CNTN4: variants seen among roughly 807,000 people sequenced by gnomAD.
CNTN4 encodes contactin 4.
A neutral mutation model predicts 122.5 loss-of-function variants in CNTN4; 77 were observed. The ratio of observed to expected loss-of-function variants is 0.63; its 90% confidence interval spans 0.52 to 0.76. CNTN4 has a LOEUF of 0.76. Among genes scored for constraint, CNTN4 ranks in the 30% least tolerant of loss-of-function variants. The pLI is 0.00. For missense variants in CNTN4, 1,256 were observed against 1,259.1 expected (o/e 1.00, Z 0.04); for synonymous variants, 512 against 447.0 (o/e 1.15, Z -1.83).
intron 2 of CNTN4, among the ~76,000 whole-genome samples, chr3:2,188,119 A>C (rs183353283): frequency 6.6e-6 from 1 of 152,040 alleles, no homozygotes; most frequent in Admixed American, 6.6e-5. Flanking sequence ...CCCTTCCCCA[A>C]TCATTCCCTA....
chr3:2,777,689 G>A (rs928513470), intron 6 of CNTN4, among the ~76,000 whole-genome samples: 15 of 152,154 alleles, frequency 9.9e-5, no homozygotes, highest in African/African-American at 2.9e-4. Flanking sequence ...GGTATCTCAC[G>A]CAAGATACCC....
chr3:3,050,886 A>T (rs1701200357), intron 23 of CNTN4, among the ~76,000 whole-genome samples: 1 of 151,988 alleles, frequency 6.6e-6, no homozygotes, highest in Non-Finnish European at 1.5e-5. Flanking sequence ...TCAAGTTCTC[A>T]TCTTTGAAAT....
intron 14 of CNTN4, among the ~76,000 whole-genome samples, chr3:2,995,504 G>C (rs1000851494): frequency 1.3e-5 from 2 of 152,138 alleles, no homozygotes; most frequent in African/African-American, 4.8e-5. Flanking sequence ...TGGTCTAGAG[G>C]GAAGATGTAA....
chr3:2,492,813 C>A (rs1369711846), intron 3 of CNTN4, among the ~76,000 whole-genome samples: 1 of 152,086 alleles, frequency 6.6e-6, no homozygotes, highest in Non-Finnish European at 1.5e-5. Context: ...AACCGCATGC[C>A]AGTACCCTAA....
chr3:2,104,840 G>C (rs775749007), intron 2 of CNTN4, among the ~76,000 whole-genome samples: 3 of 152,148 alleles, frequency 2.0e-5, no homozygotes, highest in Non-Finnish European at 4.4e-5. Flanking sequence ...TCTAGGTATG[G>C]GGAAAAGAGA....
intron 10 of CNTN4, among the ~76,000 whole-genome samples, chr3:2,898,436 CA>C (rs2094138463): frequency 6.6e-6 from 1 of 152,190 alleles, no homozygotes; most frequent in African/African-American, 2.4e-5. Context: ...CCTTGACCTC[CA>C]TAACCCTGTG....
chr3:2,955,741 A>G (rs956132734), intron 13 of CNTN4, among the ~76,000 whole-genome samples: 3 of 152,208 alleles, frequency 2.0e-5, no homozygotes, highest in Non-Finnish European at 4.4e-5. Flanking sequence ...TTAAGTGGCT[A>G]TTATTGGATA....
At chr3:2,587,111 C>A (rs1437282092) in intron 4 of CNTN4, among the ~76,000 whole-genome samples, 2 of 152,128 alleles carry the variant, frequency 1.3e-5, no homozygotes, top group African/African-American at 4.8e-5. Context: ...GCTAATATAT[C>A]CATATATTGA....
chr3:2,183,863 A>G (rs1414116990), intron 2 of CNTN4, among the ~76,000 whole-genome samples: 1 of 152,218 alleles, frequency 6.6e-6, no homozygotes, highest in Non-Finnish European at 1.5e-5. Context: ...CTTCTCTCCT[A>G]TTAGAAGAAA....
chr3:2,158,308 C>T (rs760923105), intron 2 of CNTN4, among the ~76,000 whole-genome samples: 1 of 152,096 alleles, frequency 6.6e-6, no homozygotes, highest in Non-Finnish European at 1.5e-5. Flanking sequence ...ATTATTTGTC[C>T]ATCATTATTT....
At chr3:2,435,013 A>C (rs1395764283) in intron 3 of CNTN4, among the ~76,000 whole-genome samples, 1 of 152,168 alleles carries the variant, frequency 6.6e-6, no homozygotes, top group Non-Finnish European at 1.5e-5. Context: ...ATGGTCCCCC[A>C]TGAAATCTAT....
intron 2 of CNTN4, among the ~76,000 whole-genome samples, chr3:2,332,790 G>A (rs1178533): frequency 0.88 from 132,746 of 150,172 alleles, 59,560 homozygotes; most frequent in East Asian, 1. Context: ...ATGAGGACTT[G>A]ATGGGTGCAG....
At chr3:2,124,525 G>A (rs2125234934) in intron 2 of CNTN4, among the ~76,000 whole-genome samples, 1 of 151,306 alleles carries the variant, frequency 6.6e-6, no homozygotes, top group Non-Finnish European at 1.5e-5. Flanking sequence ...ACTTTGGGAG[G>A]CTGAGGCGGG....
chr3:2,906,546 G>A lies in CNTN4; in HGVS notation c.1207+3541G>A, dbSNP rs184186173. ...TATCGGAAAATTTAAACTTGAAAAA[G>A]AAAGATGGTGGCCGGGCACGGTGGC... On this transcript the variant is annotated intron_variant, in intron 12 of 24. Transcript: ENST00000418658. 4.2e-3 allele frequency among the ~76,000 whole-genome samples: 643 copies of A among 152,084 alleles called. 4 individuals carry two copies. Among genetic ancestry groups the A allele is most frequent in the African/African-American group, 0.015 (606 of 41,502 alleles).
At chr3:2,146,665 A>G (rs893765786) in intron 2 of CNTN4, among the ~76,000 whole-genome samples, 1 of 152,112 alleles carries the variant, frequency 6.6e-6, no homozygotes, top group South Asian at 2.1e-4. Flanking sequence ...ATTTGTTCAA[A>G]TGTAGTGTGG....
At chr3:2,192,679 T>A (rs560321378) in intron 2 of CNTN4, among the ~76,000 whole-genome samples, 2 of 152,238 alleles carry the variant, frequency 1.3e-5, no homozygotes, top group African/African-American at 4.8e-5. Flanking sequence ...TTCTACTTCT[T>A]GTGAGAGCAG....
At chr3:2,317,747 T>C (rs922426506) in intron 2 of CNTN4, among the ~76,000 whole-genome samples, 3 of 152,180 alleles carry the variant, frequency 2.0e-5, no homozygotes, top group African/African-American at 7.2e-5. Flanking sequence ...TGTAAAATGC[T>C]AGGTAGGAGA....
chr3:2,784,475 G>C (rs1335883768), intron 6 of CNTN4, among the ~76,000 whole-genome samples: 1 of 152,114 alleles, frequency 6.6e-6, no homozygotes, highest in African/African-American at 2.4e-5. Context: ...TAAGGTCTTT[G>C]CCTGAAGTCA....
In CNTN4 at chr3:2,139,555, A is replaced by G. The variant is rs570487930; in HGVS notation, c.-145+38916A>G. Among the ~76,000 whole-genome samples the G allele has an allele frequency of 1.0e-3, 157 of 152,340 alleles. 4 individuals carry two copies. The South Asian group carries it at 0.029, about 29-fold the overall frequency. On this transcript the variant is annotated intron_variant, in intron 2 of 24. Coordinates refer to ENST00000418658, the MANE Select transcript of CNTN4 (RefSeq NM_175607.3). ...AATGAAAAGGAATGTAATGCAATCA[A>G]ATATTGAAACTGCCAACTACCTCGA...
Sources: allele counts gnomAD v4.1 joint callset (sites outside exome capture counted in the v4.1 genomes callset), GRCh38; gene constraint gnomAD v4.1.1; transcripts MANE v1.5; gene names NCBI Gene and HGNC (gene_info 2026-07-23, HGNC 2026-07-21).